PTP4A3: variants seen among roughly 807,000 people sequenced by gnomAD.
PTP4A3 encodes the protein protein tyrosine phosphatase type IVA 3.
PTP4A3 carries 9 observed loss-of-function variants against 15.2 expected under a neutral mutation model. That is an observed-to-expected ratio of 0.59 (90% confidence interval 0.36 to 1.03). PTP4A3 has a LOEUF of 1.03. Ranked by LOEUF, PTP4A3 falls within the 50% of genes least tolerant of loss-of-function variation. PTP4A3 has a pLI of 0.02. For missense variants in PTP4A3, 234 were observed against 252.1 expected, an observed-to-expected ratio of 0.93 and a Z score of 0.49; for synonymous variants, 95 against 102.0, an observed-to-expected ratio of 0.93 and a Z score of 0.41.
At chr8:141,403,756 G>A (rs1464211319) in intron 1 of PTP4A3, among the ~76,000 whole-genome samples, 1 of 152,230 alleles carries the variant, frequency 6.6e-6, no homozygotes, top group African/African-American at 2.4e-5. Context: ...GAGTGGTAAC[G>A]GAACACACAT....
intron 1 of PTP4A3, among the ~76,000 whole-genome samples, chr8:141,414,577 G>A (rs937766853): frequency 1.3e-4 from 19 of 151,924 alleles, no homozygotes; most frequent in Non-Finnish European, 1.6e-4. Flanking sequence ...TCGGGCAGGT[G>A]GCTGAGGAGA....
chr8:141,415,380 G>A (rs1832997493), intron 1 of PTP4A3, among the ~76,000 whole-genome samples: 1 of 151,170 alleles, frequency 6.6e-6, no homozygotes, highest in Non-Finnish European at 1.5e-5. Context: ...GCTCGCTCCC[G>A]CTGTTACAGG....
chr8:141,416,311 C>A (rs905226693), intron 1 of PTP4A3, among the ~76,000 whole-genome samples: 7 of 152,042 alleles, frequency 4.6e-5, no homozygotes, highest in Admixed American at 4.6e-4. Context: ...AGACCCAGCT[C>A]CAAATGTGGT....
At chr8:141,397,788 T>G (rs1444095078) in intron 1 of PTP4A3, among the ~76,000 whole-genome samples, 2 of 152,142 alleles carry the variant, frequency 1.3e-5, no homozygotes, top group Non-Finnish European at 2.9e-5. Context: ...TGGAAGGGAG[T>G]TGAACAAAAT....
chr8:141,427,974 A>G (rs998644727), intron 5 of PTP4A3, 150 bp downstream of exon 5: 4 of 801,308 alleles, frequency 5.0e-6, no homozygotes, highest in Non-Finnish European at 7.7e-6. Flanking sequence ...GAAACGGGGA[A>G]GCCTGAGGTG....
chr8:141,406,121 G>A lies in PTP4A3; in HGVS notation c.-854+14037G>A, dbSNP rs2129889454. On this transcript the variant is annotated intron_variant, in intron 1 of 5. Coordinates refer to ENST00000521578, the MANE Select transcript of PTP4A3 (RefSeq NM_032611.3). This position sits in a 1 kb window ranked among gnomAD's most constrained non-coding sequence, Gnocchi z 4.5. ...TAGGTCGAGGACACTGGTGGGGGCA[G>A]TGGTGGGGATACCCAGGATGCCAGA... Among the ~76,000 whole-genome samples, 1 of 152,314 alleles carries A rather than the reference G, an allele frequency of 6.6e-6. No individual in the cohort carries two copies. The highest frequency in any genetic ancestry group is 2.4e-5 in the African/African-American group (1 of 41,564).
At chr8:141,427,954 C>A in intron 5 of PTP4A3, 130 bp downstream of exon 5, 1 of 913,746 alleles carries the variant, frequency 1.1e-6, no homozygotes, top group Non-Finnish European at 1.6e-6. Context: ...ACAAGCTGGG[C>A]CTTGCTGCAG....
At chr8:141,424,395 C>T (rs1833472286) in intron 2 of PTP4A3, among the ~76,000 whole-genome samples, 1 of 152,098 alleles carries the variant, frequency 6.6e-6, no homozygotes, top group Non-Finnish European at 1.5e-5. Context: ...CAGGGCCCAG[C>T]TTCCTCCTGG....
intron 1 of PTP4A3, among the ~76,000 whole-genome samples, chr8:141,415,996 T>C (rs1056927141): frequency 3.3e-5 from 5 of 151,962 alleles, no homozygotes; most frequent in East Asian, 3.9e-4. Flanking sequence ...TGGTTATAAA[T>C]AGACTTCTCC....
rs1833352626 is a variant in PTP4A3, at chr8:141,421,980, G to A, written c.-261G>A. The A allele has an allele frequency of 2.2e-6, 1 of 451,574 alleles. No homozygotes were observed. The highest frequency in any genetic ancestry group is 3.9e-6 in the Non-Finnish European group (1 of 256,112). 28.0% of individuals were successfully genotyped at this position (451,574 alleles called of 1,614,324 possible). On this transcript the variant is annotated 5_prime_UTR_variant, in exon 2 of 6. Transcript: ENST00000521578. ...TTGGTTGGGTTGGGGGGGGCGGCGG[G>A]CTGTTTTGTTCCTTTTCTTTTTTAA...
In PTP4A3 at chr8:141,417,899, C is replaced by T. The variant is rs958452763; in HGVS notation, c.-853-3489C>T. On this transcript the variant is annotated intron_variant, in intron 1 of 5. Transcript: ENST00000521578. ...GGGCGCTATAAATAGCCGCAGGCGG[C>T]GGTGGCGGCAGCGCCTGGAGCCGGC... Among the ~76,000 whole-genome samples the T allele has an allele frequency of 3.9e-5, 6 of 151,940 alleles. No homozygotes were observed. The East Asian group carries it at 1.2e-3, about 29-fold the overall frequency.
chr8:141,423,922 G>T (rs1388925629), intron 2 of PTP4A3, among the ~76,000 whole-genome samples: 1 of 151,522 alleles, frequency 6.6e-6, no homozygotes, highest in Non-Finnish European at 1.5e-5. Flanking sequence ...AGGGTTGGGG[G>T]CTCAGCACGT....
intron 1 of PTP4A3, among the ~76,000 whole-genome samples, chr8:141,405,750 G>A (rs576959228): frequency 7.2e-5 from 11 of 151,960 alleles, no homozygotes; most frequent in Non-Finnish European, 1.6e-4. Flanking sequence ...TACTGTGTGT[G>A]GGGGACAGAG....
Position 141,431,534 on chromosome 8 carries a change from A to C in PTP4A3, c.*490A>C. ...ACAGGAGCCGTGGCCGTGTGTGTGG[A>C]GTGGGCTACAGCGTCAGGCGGGGCG... is the stretch of plus-strand genomic sequence containing the variant. On this transcript the variant is annotated 3_prime_UTR_variant, in exon 6 of 6. Coordinates refer to ENST00000521578, the MANE Select transcript of PTP4A3 (RefSeq NM_032611.3). The C allele has an allele frequency of 6.5e-6, 1 of 153,892 alleles. No individual in the cohort carries two copies. Among genetic ancestry groups the C allele is most frequent in the Non-Finnish European group, 1.4e-5 (1 of 69,268 alleles). The allele number at this position is 153,892 out of a possible 1,614,324, so 9.5% of individuals were successfully genotyped here. A position where few individuals can be genotyped will look rare whatever the true frequency, so the allele number is the denominator to read the frequency against.
chr8:141,399,037 T>G (rs545548991), intron 1 of PTP4A3, among the ~76,000 whole-genome samples: 1 of 151,208 alleles, frequency 6.6e-6, no homozygotes, highest in South Asian at 2.1e-4. Context: ...GTCCCTCCTG[T>G]GACTCAGGCT....
chr8:141,394,397 CCA>C (rs1586530298), intron 1 of PTP4A3, among the ~76,000 whole-genome samples: 1 of 152,172 alleles, frequency 6.6e-6, no homozygotes, highest in African/African-American at 2.4e-5. Context: ...CTGTCCCAGA[CCA>C]CCCCAGGGCG....
chr8:141,430,859 C>A, intron 5 of PTP4A3, 68 bp from the exon 6 acceptor site: 1 of 1,495,110 alleles, frequency 6.7e-7, no homozygotes, highest in African/African-American at 1.4e-5. Context: ...GATTCCAGCT[C>A]CCTGGGGCAG....
At chr8:141,430,415 G>T (rs1441913017) in intron 5 of PTP4A3, among the ~76,000 whole-genome samples, 2 of 151,706 alleles carry the variant, frequency 1.3e-5, no homozygotes, top group Admixed American at 6.6e-5. Flanking sequence ...ACCAGGTGGC[G>T]GGGACAGGGT....
chr8:141,413,220 G>A (rs763957121), intron 1 of PTP4A3, among the ~76,000 whole-genome samples: 15 of 152,236 alleles, frequency 9.9e-5, no homozygotes, highest in Non-Finnish European at 2.2e-4. Context: ...CCTGCTGGGG[G>A]CCTCTGCATT....
Sources: gnomAD v4.1 joint callset for allele counts (sites outside exome capture counted in the v4.1 genomes callset) on GRCh38, gnomAD v4.1.1 for gene constraint, Gnocchi (gnomAD v3.1) non-coding constraint, MANE v1.5 for transcripts, NCBI Gene and HGNC (gene_info 2026-07-23, HGNC 2026-07-21) for gene names.